Variants in MTOR observed in about 807,000 individuals in gnomAD.
The protein encoded by MTOR is mechanistic target of rapamycin kinase, also known as serine/threonine-protein kinase mTOR.
A neutral mutation model predicts 319.8 loss-of-function variants in MTOR; 70 were observed. The ratio of observed to expected loss-of-function variants is 0.22; its 90% CI spans 0.18 to 0.27. The LOEUF (loss-of-function observed/expected upper bound fraction) is 0.27. Among genes scored for constraint, MTOR ranks in the 10% least tolerant of loss-of-function variants. MTOR has a pLI of 1.00. For synonymous variants in MTOR, 1,183 were observed against 1,211.4 expected (o/e 0.98, Z 0.49); for missense variants, 1,890 against 3,274.4 (o/e 0.58, Z 10.32).
chr1:11,196,254 A>C (rs750248001), intron 28 of MTOR, among the ~76,000 whole-genome samples: 2 of 152,232 alleles, frequency 1.3e-5, no homozygotes, highest in Non-Finnish European at 2.9e-5. Flanking sequence ...AAGCAAAAAC[A>C]GGCCAGCAGA....
chr1:11,217,716 C>T (rs551986074), intron 19 of MTOR, among the ~76,000 whole-genome samples: 52 of 151,820 alleles, frequency 3.4e-4, no homozygotes, highest in African/African-American at 1.1e-3. Context: ...TGGCCCCCTT[C>T]CCCAAATTTT....
intron 19 of MTOR, among the ~76,000 whole-genome samples, chr1:11,220,937 T>C (rs74225573): frequency 0.09 from 13,728 of 152,164 alleles, 1,000 homozygotes; most frequent in South Asian, 0.19. Flanking sequence ...TAGATAAGAT[T>C]TTATTTATAG....
At chr1:11,122,438 T>G (rs1642583885) in intron 47 of MTOR, among the ~76,000 whole-genome samples, 1 of 151,456 alleles carries the variant, frequency 6.6e-6, no homozygotes, top group East Asian at 2.0e-4. Flanking sequence ...CTTGACCTCA[T>G]GATCCGCCTG....
chr1:11,120,084 T>A (rs1211163869), intron 49 of MTOR, among the ~76,000 whole-genome samples: 1 of 149,374 alleles, frequency 6.7e-6, no homozygotes, highest in Admixed American at 6.7e-5. Context: ...TATATATATA[T>A]AAAATTGCTT....
chr1:11,145,834 G>T (rs7541835), intron 32 of MTOR, among the ~76,000 whole-genome samples: 1 of 152,068 alleles, frequency 6.6e-6, no homozygotes, highest in Non-Finnish European at 1.5e-5. Context: ...ACTTTTTCTT[G>T]CTGGGCATGT....
chr1:11,129,652 G>T lies in MTOR; in HGVS notation c.5714+86C>A. ...TCTTGGGTGTCCTGATCAGGGTCAG[G>T]AAGGGAAAGAGGACTTTTACGTGTG... On this transcript the variant is annotated intron_variant, in intron 40 of 57. Transcript: ENST00000361445. This position sits in a 1 kb window ranked among gnomAD's most constrained non-coding sequence, Gnocchi z 4.7. The T allele has an allele frequency of 8.3e-7, 1 of 1,211,728 alleles. No homozygotes were observed. Among genetic ancestry groups the T allele is most frequent in the Non-Finnish European group, 1.2e-6 (1 of 834,986 alleles). 75.1% of individuals were successfully genotyped at this position (1,211,728 alleles called of 1,614,324 possible).
At chr1:11,196,374 G>A (rs1311684286) in intron 28 of MTOR, among the ~76,000 whole-genome samples, 1 of 152,166 alleles carries the variant, frequency 6.6e-6, no homozygotes, top group East Asian at 1.9e-4. Context: ...TTACTGATAT[G>A]TGAGCTTTAA....
rs147022264 is a variant in MTOR, at chr1:11,129,767, T to C, written c.5685A>G (p.Ser1895=). The change falls in exon 40 of 58, where the codon TCA becomes TCG. Residue 1895 remains serine, a synonymous_variant. Coordinates refer to ENST00000361445, the MANE Select transcript of MTOR (RefSeq NM_004958.4). The surrounding 1 kb of genome is among the most constrained non-coding windows in gnomAD (Gnocchi z 4.7). ...GTGTATCCTGGAGGTTGTTGCCTCG[T>C]GACAAGGAGATGGAACGGAAGAAGC... ...VQGFFRSISL[S]RGNNLQDTLR... is the part of the protein sequence containing the mutation. 1.2e-6 allele frequency: 2 copies of C among 1,614,028 alleles called. No homozygotes were observed. The highest frequency in any genetic ancestry group is 1.3e-5 in the African/African-American group (1 of 74,930).
At chr1:11,160,919 G>A (rs912955357) in intron 29 of MTOR, among the ~76,000 whole-genome samples, 2 of 152,172 alleles carry the variant, frequency 1.3e-5, no homozygotes, top group African/African-American at 4.8e-5. Context: ...TCTCACTGGG[G>A]CTTGTCGGAC....
intron 3 of MTOR, 49 bp downstream of exon 3, chr1:11,258,436 G>T: frequency 7.7e-7 from 1 of 1,294,738 alleles, no homozygotes; most frequent in Non-Finnish European, 1.1e-6. Context: ...GGGTGCAGTG[G>T]GCACAAAGGT....
At chr1:11,162,155 G>C (rs61773694) in intron 29 of MTOR, among the ~76,000 whole-genome samples, 3 of 152,204 alleles carry the variant, frequency 2.0e-5, no homozygotes, top group Admixed American at 1.3e-4. Context: ...TTCAGTAGCC[G>C]ATTTGATCAA....
chr1:11,110,639 G>A (rs566209270), intron 54 of MTOR, among the ~76,000 whole-genome samples: 2 of 152,208 alleles, frequency 1.3e-5, no homozygotes, highest in Admixed American at 6.5e-5. Context: ...CAGGTGATCC[G>A]CCTGCCTGGG....
At chr1:11,210,711 A>T in intron 24 of MTOR, 103 bp downstream of exon 24, 1 of 918,372 alleles carries the variant, frequency 1.1e-6, no homozygotes, top group Non-Finnish European at 1.7e-6. Context: ...CCAATCCCTA[A>T]TTTACAGCCA....
intron 29 of MTOR, among the ~76,000 whole-genome samples, chr1:11,163,156 CTT>C (rs902209843): frequency 6.6e-6 from 1 of 152,084 alleles, no homozygotes. Context: ...ATAAAACAGA[CTT>C]TAAACCAACA....
At chr1:11,214,539 TA>T (rs1214735698) in intron 20 of MTOR, among the ~76,000 whole-genome samples, 1 of 152,246 alleles carries the variant, frequency 6.6e-6, no homozygotes, top group African/African-American at 2.4e-5. Flanking sequence ...TGAATGTTAA[TA>T]TTCTTGGAGC....
chr1:11,136,112 T>G (rs1643405111), intron 36 of MTOR, among the ~76,000 whole-genome samples: 1 of 152,074 alleles, frequency 6.6e-6, no homozygotes, highest in African/African-American at 2.4e-5. Flanking sequence ...CCAGTTTGGG[T>G]GACAAGAGCG....
chr1:11,259,019 A>T (rs1386725721), intron 2 of MTOR, among the ~76,000 whole-genome samples: 1 of 152,226 alleles, frequency 6.6e-6, no homozygotes, highest in African/African-American at 2.4e-5. Context: ...GAAACAGCTA[A>T]GTCTATTCTG....
chr1:11,142,279 A>C (rs908380902), intron 34 of MTOR, among the ~76,000 whole-genome samples: 1 of 151,894 alleles, frequency 6.6e-6, no homozygotes, highest in South Asian at 2.1e-4. Flanking sequence ...CTTTGGGAGC[A>C]GAAGCAGGCA....
rs28991009 is a variant in MTOR, at chr1:11,193,627, G to A, written c.4253+5631C>T. 19 of 1,612,570 alleles carry A rather than the reference G, an allele frequency of 1.2e-5. No individual in the cohort carries two copies. The African/African-American group carries it at 2.0e-4, about 17-fold the overall frequency. On this transcript the variant is annotated intron_variant, in intron 28 of 57. Coordinates refer to ENST00000361445, the MANE Select transcript of MTOR (RefSeq NM_004958.4). ...CAGGCGGAGGCTGGACCATCATCCA[G>A]AGACGAAAAAGTGGCCTTGTCTCCT...
Sources: gnomAD v4.1 joint callset for allele counts (sites outside exome capture counted in the v4.1 genomes callset) on GRCh38, gnomAD v4.1.1 for gene constraint, Gnocchi (gnomAD v3.1) non-coding constraint, MANE v1.5 for transcripts, NCBI Gene and HGNC (gene_info 2026-07-23, HGNC 2026-07-21) for gene names.